Variants in NFATC3 observed in about 807,000 individuals in gnomAD.
NFATC3 encodes the protein nuclear factor of activated T-cells, cytoplasmic 3.
NFATC3 carries 46 observed loss-of-function variants against 98.6 expected under a neutral mutation model. The observed-to-expected ratio is 0.47, with a 90% CI of 0.37 to 0.60. The LOEUF (loss-of-function observed/expected upper bound fraction) is 0.60, where lower values mean the gene tolerates loss of function less well. Among genes scored for constraint, NFATC3 ranks in the 20% least tolerant of loss-of-function variants. The pLI is 0.00. For synonymous variants in NFATC3, 512 were observed against 472.2 expected (o/e 1.08, Z -1.09); for missense variants, 1,256 against 1,295.5 (o/e 0.97, Z 0.47).
At chr16:68,224,124 T>C (rs1486562409) in intron 9 of NFATC3, among the ~76,000 whole-genome samples, 4 of 125,734 alleles carry the variant, frequency 3.2e-5, no homozygotes, top group African/African-American at 1.3e-4. Context: ...CATGCACCAG[T>C]TTAAAAAAAA....
intron 9 of NFATC3, chr16:68,218,044 T>C: frequency 9.2e-7 from 1 of 1,087,226 alleles, no homozygotes; most frequent in Non-Finnish European, 1.1e-6. Context: ...CAAATGAATA[T>C]TTTTTGGTTT....
chr16:68,099,052 T>G (rs1296292791), intron 1 of NFATC3, among the ~76,000 whole-genome samples: 1 of 152,200 alleles, frequency 6.6e-6, no homozygotes, highest in African/African-American at 2.4e-5. Flanking sequence ...TGTGAACAAT[T>G]TTACATGCAC....
chr16:68,150,949 C>T (rs1369575755), intron 3 of NFATC3, among the ~76,000 whole-genome samples: 1 of 151,490 alleles, frequency 6.6e-6, no homozygotes, highest in Non-Finnish European at 1.5e-5. Flanking sequence ...TGTAAATTTC[C>T]TGAGGCCCCC....
chr16:68,180,750 C>T (rs142202474), intron 6 of NFATC3, among the ~76,000 whole-genome samples: 2,010 of 152,198 alleles, frequency 0.013, 41 homozygotes, highest in African/African-American at 0.045. Context: ...TGAGAACATG[C>T]GGTGTTTGGT....
intron 9 of NFATC3, among the ~76,000 whole-genome samples, chr16:68,222,758 C>A (rs1249699578): frequency 6.6e-6 from 1 of 152,170 alleles, no homozygotes; most frequent in Non-Finnish European, 1.5e-5. Flanking sequence ...TGGCAAGGTT[C>A]TTGCCTTTTG....
At chr16:68,174,298 A>G (rs2039592860) in intron 5 of NFATC3, 76 bp from the exon 6 acceptor site, 1 of 1,163,204 alleles carries the variant, frequency 8.6e-7, no homozygotes, top group East Asian at 2.8e-5. Flanking sequence ...TTGTAGCTTG[A>G]GTTTGTCATT....
At chr16:68,169,460 C>T (rs1173509561) in intron 5 of NFATC3, among the ~76,000 whole-genome samples, 1 of 151,884 alleles carries the variant, frequency 6.6e-6, no homozygotes, top group Non-Finnish European at 1.5e-5. Flanking sequence ...CCCATGTTGC[C>T]CAGGTTGATC....
intron 1 of NFATC3, among the ~76,000 whole-genome samples, chr16:68,114,393 T>C (rs1372149155): frequency 6.6e-6 from 1 of 152,114 alleles, no homozygotes; most frequent in East Asian, 1.9e-4. Flanking sequence ...TCTTGGCTCC[T>C]CCTGCCTAAA....
At chr16:68,097,661 CAA>C (rs944249190) in intron 1 of NFATC3, among the ~76,000 whole-genome samples, 1 of 152,128 alleles carries the variant, frequency 6.6e-6, no homozygotes, top group South Asian at 2.1e-4. Context: ...ATTAGACAAT[CAA>C]GAGAATGGTG....
intron 3 of NFATC3, among the ~76,000 whole-genome samples, chr16:68,154,717 C>G (rs981844957): frequency 1.3e-5 from 2 of 152,110 alleles, no homozygotes; most frequent in African/African-American, 4.8e-5. Context: ...TGTGAAAGCC[C>G]TGACATTAGG....
intron 3 of NFATC3, among the ~76,000 whole-genome samples, chr16:68,129,190 A>G (rs964879922): frequency 6.6e-6 from 1 of 152,080 alleles, no homozygotes; most frequent in African/African-American, 2.4e-5. Context: ...ATTTGAGCCC[A>G]GGAATTTGAG....
At chr16:68,168,333 T>C (rs2039309428) in intron 5 of NFATC3, among the ~76,000 whole-genome samples, 1 of 151,884 alleles carries the variant, frequency 6.6e-6, no homozygotes, top group African/African-American at 2.4e-5. Context: ...TGGCTAATTT[T>C]TGTATTTTTA....
chr16:68,087,029 G>A (rs1169013176), intron 1 of NFATC3, among the ~76,000 whole-genome samples: 1 of 152,190 alleles, frequency 6.6e-6, no homozygotes, highest in Non-Finnish European at 1.5e-5. Context: ...CATAGTCCAA[G>A]TAATAACTGT....
chr16:68,226,196 A>G, intron 9 of NFATC3, 154 bp from the exon 10 acceptor site: 1 of 785,488 alleles, frequency 1.3e-6, no homozygotes, highest in Non-Finnish European at 1.9e-6. Flanking sequence ...TTCCATCTCT[A>G]ATGCCACTCA....
intron 8 of NFATC3, among the ~76,000 whole-genome samples, chr16:68,188,986 G>A (rs1434181524): frequency 6.6e-6 from 1 of 152,162 alleles, no homozygotes; most frequent in Non-Finnish European, 1.5e-5. Context: ...GGGATTACAG[G>A]TGTGAGCCAC....
In NFATC3 at chr16:68,123,129, G is replaced by T. The variant is rs551612328; in HGVS notation, c.1238+8G>T. ...CCACACCCCTATATTTCGGTGAGTT[G>T]ATGGAAATGGCTGCTGGTCATTTTT... On this transcript the variant is annotated splice_region_variant and intron_variant, in intron 2 of 9. Coordinates refer to ENST00000346183, the MANE Select transcript of NFATC3 (RefSeq NM_173165.3). 6.3e-7 allele frequency: 1 copy of T among 1,584,580 alleles called. No individual in the cohort carries two copies. The highest frequency in any genetic ancestry group is 1.4e-5 in the African/African-American group (1 of 74,070).
At chr16:68,168,501 T>A (rs931011678) in intron 5 of NFATC3, among the ~76,000 whole-genome samples, 10 of 149,476 alleles carry the variant, frequency 6.7e-5, no homozygotes, top group Admixed American at 2.7e-4. Flanking sequence ...TATTATTATT[T>A]TTTAGACGGA....
chr16:68,140,310 T>A (rs1228784574), intron 3 of NFATC3, among the ~76,000 whole-genome samples: 2 of 152,178 alleles, frequency 1.3e-5, no homozygotes, highest in Non-Finnish European at 2.9e-5. Flanking sequence ...TATTTGAAGA[T>A]AGTGTCTAGC....
chr16:68,150,412 T>TAAAA (rs60606928), intron 3 of NFATC3, among the ~76,000 whole-genome samples: 7 of 81,052 alleles, frequency 8.6e-5, no homozygotes, highest in East Asian at 4.0e-4. Context: ...CTTCTATATC[T>TAAAA]AAAAAAAAAA....
Sources: allele counts gnomAD v4.1 joint callset (sites outside exome capture counted in the v4.1 genomes callset), GRCh38; gene constraint gnomAD v4.1.1; transcripts MANE v1.5; gene names NCBI Gene and HGNC (gene_info 2026-07-23, HGNC 2026-07-21).